PRKG1: variants seen among roughly 807,000 people sequenced by gnomAD.
PRKG1 encodes the protein protein kinase cGMP-dependent 1.
PRKG1 carries 35 observed loss-of-function variants against 88.1 expected under a neutral mutation model. The observed-to-expected ratio is 0.40, with a 90% CI of 0.30 to 0.53. PRKG1 has a LOEUF of 0.53. Among genes scored for constraint, PRKG1 ranks in the 20% least tolerant of loss-of-function variants. The pLI is 0.59. For missense variants in PRKG1, 540 were observed against 839.8 expected, an observed-to-expected ratio of 0.64 and a Z score of 4.41; for synonymous variants, 303 against 292.5, an observed-to-expected ratio of 1.04 and a Z score of -0.37.
intron 5 of PRKG1, among the ~76,000 whole-genome samples, chr10:51,988,427 TAA>T (rs1844219262): frequency 6.6e-6 from 1 of 152,044 alleles, no homozygotes; most frequent in Non-Finnish European, 1.5e-5. Context: ...TAGAAATTAT[TAA>T]AGATTTCCAA....
chr10:51,905,146 T>A (rs1398859344), intron 4 of PRKG1, among the ~76,000 whole-genome samples: 2 of 152,174 alleles, frequency 1.3e-5, no homozygotes, highest in African/African-American at 4.8e-5. Context: ...ACATAACTCA[T>A]GGCAACAGCT....
At chr10:51,484,866 G>A (rs1161985531) in intron 3 of PRKG1, among the ~76,000 whole-genome samples, 2 of 152,126 alleles carry the variant, frequency 1.3e-5, no homozygotes, top group Non-Finnish European at 2.9e-5. Context: ...TGCTGCTGTT[G>A]TTGTTCTGTT....
intron 3 of PRKG1, among the ~76,000 whole-genome samples, chr10:51,762,500 A>G (rs1389740485): frequency 6.6e-6 from 1 of 152,198 alleles, no homozygotes; most frequent in Admixed American, 6.5e-5. Context: ...TATTCAATCG[A>G]CCTTAAATTC....
intron 3 of PRKG1, among the ~76,000 whole-genome samples, chr10:51,530,976 T>C (rs1842002944): frequency 1.3e-5 from 2 of 152,140 alleles, no homozygotes; most frequent in Admixed American, 1.3e-4. Flanking sequence ...TCCTGCCAGA[T>C]CTCTCCGTTG....
rs150587434 is a variant in PRKG1 at position 51,107,810 on chromosome 10, CAAAAAAA to C, written c.311+32928_311+32934del. ...TGGGCAACAGAGCAAAACCCTGTCTCAAAAAAAAAAAAAAAAAAAAAAAAAGATAAAA... is the reference window on the plus strand; with the variant it reads ...TGGGCAACAGAGCAAAACCCTGTCTCAAAAAAAAAAAAAAAAAAGATAAAA... On this transcript the variant is annotated intron_variant, in intron 1 of 17. Transcript: ENST00000373980. 1.3e-4 allele frequency among the ~76,000 whole-genome samples: 8 copies of C among 63,312 alleles called. No individual in the cohort carries two copies. The South Asian group carries it at 4.9e-3, about 39-fold the overall frequency. The allele number at this position is 63,312 out of a possible 152,430, so 41.5% of individuals were successfully genotyped here. A position where few individuals can be genotyped will look rare whatever the true frequency, so the allele number is the denominator to read the frequency against.
chr10:51,793,187 AC>A (rs1419915523), intron 3 of PRKG1, among the ~76,000 whole-genome samples: 3 of 151,672 alleles, frequency 2.0e-5, no homozygotes, highest in Non-Finnish European at 4.4e-5. Flanking sequence ...AAACAGAAAA[AC>A]AATATGACCA....
At chr10:51,280,672 G>T (rs1349228371) in intron 2 of PRKG1, among the ~76,000 whole-genome samples, 1 of 152,104 alleles carries the variant, frequency 6.6e-6, no homozygotes, top group Non-Finnish European at 1.5e-5. Context: ...ACTGAAACTT[G>T]TGCATTCGTC....
intron 8 of PRKG1, among the ~76,000 whole-genome samples, chr10:52,143,599 G>A (rs1379188012): frequency 2.6e-5 from 4 of 152,140 alleles, no homozygotes; most frequent in Non-Finnish European, 4.4e-5. Context: ...GCTCTGTAAA[G>A]GGAGAGCTTT....
At chr10:51,315,957 C>T (rs1841306287) in intron 2 of PRKG1, among the ~76,000 whole-genome samples, 1 of 152,082 alleles carries the variant, frequency 6.6e-6, no homozygotes, top group Non-Finnish European at 1.5e-5. Context: ...TTTGTTCTTT[C>T]AAAATCTCCT....
intron 2 of PRKG1, among the ~76,000 whole-genome samples, chr10:51,195,276 A>G (rs1329322886): frequency 6.6e-6 from 1 of 152,232 alleles, no homozygotes. Context: ...GGTATAATGA[A>G]GTATCTTTGA....
At chr10:51,668,707 G>A (rs1309856525) in intron 3 of PRKG1, among the ~76,000 whole-genome samples, 2 of 151,956 alleles carry the variant, frequency 1.3e-5, no homozygotes, top group Admixed American at 6.6e-5. Flanking sequence ...TTCAAAATTA[G>A]GACTGTTTTG....
At chr10:51,163,102 C>T (rs1052864473) in intron 2 of PRKG1, among the ~76,000 whole-genome samples, 1 of 151,860 alleles carries the variant, frequency 6.6e-6, no homozygotes, top group African/African-American at 2.4e-5. Flanking sequence ...GAGGCGGAGG[C>T]TGGGGTGAGC....
intron 5 of PRKG1, among the ~76,000 whole-genome samples, chr10:51,965,638 T>C (rs1033465544): frequency 3.3e-5 from 5 of 152,166 alleles, no homozygotes; most frequent in African/African-American, 7.2e-5. Flanking sequence ...GAGATTTGTC[T>C]TTCAGAAATA....
intron 5 of PRKG1, among the ~76,000 whole-genome samples, chr10:51,995,852 T>C (rs1831122349): frequency 6.6e-6 from 1 of 151,924 alleles, no homozygotes; most frequent in East Asian, 1.9e-4. Flanking sequence ...TGACAGAAAA[T>C]ATTAAAATAC....
intron 9 of PRKG1, chr10:52,242,303 A>C (rs962951494): frequency 1.3e-5 from 2 of 152,158 alleles, no homozygotes; most frequent in Admixed American, 6.5e-5. Context: ...AAAATGAAGA[A>C]ATTAACTTGC....
chr10:51,643,332 C>A lies in PRKG1; in HGVS notation c.593-161253C>A, dbSNP rs1258458291. Among the ~76,000 whole-genome samples, 6 of 152,120 alleles carry A rather than the reference C, an allele frequency of 3.9e-5. No individual in the cohort carries two copies. The South Asian group carries it at 6.2e-4, about 16-fold the overall frequency. On this transcript the variant is annotated intron_variant, in intron 3 of 17. Transcript: ENST00000373980. Reference sequence around the variant, plus strand: ...TTTTGATGCCAAAAAGACTTAGTCACAATGTAGAAAACTCAGACATCCTAA... The same window carrying A: ...TTTTGATGCCAAAAAGACTTAGTCAAAATGTAGAAAACTCAGACATCCTAA...
intron 2 of PRKG1, among the ~76,000 whole-genome samples, chr10:51,214,622 C>G (rs113955442): frequency 0.02 from 3,061 of 152,028 alleles, 43 homozygotes; most frequent in Middle Eastern, 0.045. Context: ...GGGCCAGAGT[C>G]GCTTGCCACA....
intron 3 of PRKG1, among the ~76,000 whole-genome samples, chr10:51,761,255 AC>A (rs1393443664): frequency 6.6e-6 from 1 of 152,226 alleles, no homozygotes; most frequent in Non-Finnish European, 1.5e-5. Context: ...TTGTTTTTTA[AC>A]TTTTAAAATA....
chr10:51,080,952 G>A (rs1052835715), intron 1 of PRKG1, among the ~76,000 whole-genome samples: 1 of 152,132 alleles, frequency 6.6e-6, no homozygotes, highest in South Asian at 2.1e-4. Flanking sequence ...CTCCAAAACT[G>A]TCCTGTAAAT....
Sources: gnomAD v4.1 joint callset for allele counts (sites outside exome capture counted in the v4.1 genomes callset) on GRCh38, gnomAD v4.1.1 for gene constraint, MANE v1.5 for transcripts, NCBI Gene and HGNC (gene_info 2026-07-23, HGNC 2026-07-21) for gene names.